ZKSCAN7: variants seen among roughly 807,000 people sequenced by gnomAD.
The protein encoded by ZKSCAN7 is zinc finger protein with KRAB and SCAN domains 7.
ZKSCAN7 carries 38 observed loss-of-function variants against 65.3 expected under a neutral mutation model. The ratio of observed to expected loss-of-function variants is 0.58; its 90% confidence interval spans 0.45 to 0.76. The LOEUF (loss-of-function observed/expected upper bound fraction) is 0.76. Among genes scored for constraint, ZKSCAN7 ranks in the 30% least tolerant of loss-of-function variants. The pLI is 0.00. For missense variants in ZKSCAN7, 815 were observed against 913.3 expected, an observed-to-expected ratio of 0.89 and a Z score of 1.39; for synonymous variants, 321 against 321.0, an observed-to-expected ratio of 1.00 and a Z score of 0.00.
At chr3:44,558,407 C>T (rs1292626605) in intron 2 of ZKSCAN7, among the ~76,000 whole-genome samples, 2 of 151,878 alleles carry the variant, frequency 1.3e-5, no homozygotes, top group Non-Finnish European at 2.9e-5. Flanking sequence ...TACCTGTAAT[C>T]TTAGCTACTG....
intron 5 of ZKSCAN7, 95 bp from the exon 6 acceptor site, chr3:44,569,827 T>C: frequency 6.9e-7 from 1 of 1,441,990 alleles, no homozygotes; most frequent in Non-Finnish European, 9.1e-7. Context: ...TTAACCATAA[T>C]GTGACTTTTT....
At chr3:44,566,796 CTT>C (rs35327396) in intron 3 of ZKSCAN7, among the ~76,000 whole-genome samples, 9 of 143,814 alleles carry the variant, frequency 6.3e-5, no homozygotes, top group African/African-American at 1.3e-4. Flanking sequence ...ATGACCAGCT[CTT>C]TTTTTTTTTT....
chr3:44,568,178 G>C, intron 4 of ZKSCAN7, 129 bp from the exon 5 acceptor site: 1 of 1,537,498 alleles, frequency 6.5e-7, no homozygotes, highest in Non-Finnish European at 8.8e-7. Flanking sequence ...CCTTTTCGAG[G>C]TGTCATCTCA....
At chr3:44,580,509 G>A (rs1255468965) in intron 5 of ZKSCAN7, 16 of 1,610,896 alleles carry the variant, frequency 9.9e-6, no homozygotes, top group Non-Finnish European at 1.4e-5. Context: ...AGCCACCTTG[G>A]CAGGCCCAGG....
At chr3:44,556,128 G>T (rs1699286892) in intron 1 of ZKSCAN7, among the ~76,000 whole-genome samples, 1 of 152,202 alleles carries the variant, frequency 6.6e-6, no homozygotes, top group Non-Finnish European at 1.5e-5. Flanking sequence ...CTTTCTAGGG[G>T]AGGTGCATTG....
chr3:44,560,288 C>T (rs570567808), intron 2 of ZKSCAN7, among the ~76,000 whole-genome samples: 30 of 152,150 alleles, frequency 2.0e-4, no homozygotes, highest in East Asian at 5.8e-4. Context: ...TACAGAATGG[C>T]TAAATGAATA....
At position 44,571,685 on chromosome 3, in the gene ZKSCAN7, G is replaced by T; in HGVS notation, c.*310G>T. 1 of 1,189,094 alleles carries T rather than the reference G, an allele frequency of 8.4e-7. No homozygotes were observed. The highest frequency in any genetic ancestry group is 2.2e-5 in the South Asian group (1 of 44,616). The allele number at this position is 1,189,094 out of a possible 1,614,324, so 73.7% of individuals were successfully genotyped here. A position where few individuals can be genotyped will look rare whatever the true frequency, so the allele number is the denominator to read the frequency against. On this transcript the variant is annotated 3_prime_UTR_variant, in exon 6 of 6. Coordinates refer to ENST00000426540, the MANE Select transcript of ZKSCAN7 (RefSeq NM_001288590.2). The stretch of plus-strand genomic sequence containing the variant: ...ATAATCAGACTCCATGCTTTTTAAA[G>T]ACAGAGATAATATCTTCTCTATTCT...
rs773167093 is a variant in ZKSCAN7, at chr3:44,557,362, C to T, written c.315C>T (p.Ile105=). ...ELLVLEQFLS[I]LPGELRTWVQ... is the part of the protein sequence containing the mutation. Reference sequence around the variant, plus strand: ...TGGTGCTTGAGCAGTTCCTGAGCATCCTCCCTGGGGAGCTCCGGACCTGGG... The same window carrying T: ...TGGTGCTTGAGCAGTTCCTGAGCATTCTCCCTGGGGAGCTCCGGACCTGGG... Residue 105 remains isoleucine, a synonymous_variant, in exon 2 of 6, where the codon ATC becomes ATT. Transcript: ENST00000426540. The T allele has an allele frequency of 1.2e-6, 2 of 1,614,240 alleles. No homozygotes were observed. The highest frequency in any genetic ancestry group is 1.1e-5 in the South Asian group (1 of 91,090).
Position 44,565,560 on chromosome 3 carries a change from C to T in ZKSCAN7, c.497C>T (p.Pro166Leu), listed in dbSNP as rs1038328078. The stretch of plus-strand genomic sequence containing the variant: ...GCTCTGGGTACAACAAAGGAATCTC[C>T]TCCTACCTCACCCCTCAGTGGGGGC... ...TTALGTTKESPPTSPLSGGSA... is the reference protein window; with the variant it reads ...TTALGTTKESLPTSPLSGGSA... The change falls in exon 3 of 6, where the codon CCT (proline) becomes CTT (leucine). Residue 166 changes from proline to leucine, a missense_variant. Physicochemically the swap from Pro to Leu is moderately conservative, Grantham distance 98 (BLOSUM62 -3). Transcript: ENST00000426540. The T allele has an allele frequency of 1.6e-5, 26 of 1,613,210 alleles. No homozygotes were observed. Among genetic ancestry groups the T allele is most frequent in the Non-Finnish European group, 2.1e-5 (25 of 1,179,754 alleles).
downstream of ZKSCAN7, among the ~76,000 whole-genome samples, chr3:44,577,021 T>C (rs1414628315): frequency 1.3e-5 from 2 of 152,066 alleles, no homozygotes; most frequent in Non-Finnish European, 2.9e-5. Flanking sequence ...TGGAGTGCAG[T>C]GGTATGATCA....
chr3:44,555,653 T>A (rs775118130), intron 1 of ZKSCAN7, 172 bp downstream of exon 1: 4 of 152,276 alleles, frequency 2.6e-5, no homozygotes, highest in African/African-American at 9.6e-5. Flanking sequence ...TTTAAAGTGC[T>A]GAGCATTCGG....
chr3:44,565,518 A>C lies in ZKSCAN7; in HGVS notation c.455A>C (p.His152Pro), dbSNP rs1275703898. ...VSAPAQKQEM[H>P]FEETTALGTT... is the part of the protein sequence containing the mutation. ...GCCCCAGCACAGAAACAGGAAATGC[A>C]TTTTGAGGAGACAACAGCTCTGGGT... The change falls in exon 3 of 6, where the codon CAT becomes CCT. Residue 152 changes from histidine (H) to proline (P), a missense_variant. Physicochemically the swap from His to Pro is moderately conservative, Grantham distance 77. This residue lies in a region of ZKSCAN7 where 227 missense variants were observed against 253.3 expected (regional missense o/e 0.90). Transcript: ENST00000426540. 5.0e-6 allele frequency: 8 copies of C among 1,610,630 alleles called. No homozygotes were observed. The highest frequency in any genetic ancestry group is 6.8e-6 in the Non-Finnish European group (8 of 1,178,624).
exon 6 of ZKSCAN7, chr3:44,583,070 G>A: frequency 2.6e-6 from 1 of 379,962 alleles, no homozygotes; most frequent in South Asian, 1.9e-5. Flanking sequence ...GGGATTACAG[G>A]CGCCTGCCAC....
At chr3:44,577,366 G>T (rs866295742) in intron 5 of ZKSCAN7, among the ~76,000 whole-genome samples, 1 of 151,964 alleles carries the variant, frequency 6.6e-6, no homozygotes, top group Middle Eastern at 3.2e-3. Context: ...CAGGGGTGTG[G>T]TTCTAAGCTG....
Position 44,557,272 on chromosome 3 carries a change from T to C in ZKSCAN7, c.225T>C (p.Leu75=). 1 of 1,614,270 alleles carries C rather than the reference T, an allele frequency of 6.2e-7. No homozygotes were observed. Among genetic ancestry groups the C allele is most frequent in the Admixed American group, 1.7e-5 (1 of 60,036 alleles). The change falls in exon 2 of 6, where the codon CTT becomes CTC. Residue 75 remains leucine, a synonymous_variant. Coordinates refer to ENST00000426540, the MANE Select transcript of ZKSCAN7 (RefSeq NM_001288590.2). ...GGCCGCAGGAAGCATTGAGCCGGCT[T>C]CGGGAGCTCTGCCGCTGGTGGCTCA... is the stretch of plus-strand genomic sequence containing the variant. ...MSGPQEALSR[L]RELCRWWLMP... is the part of the protein sequence containing the mutation.
intron 5 of ZKSCAN7, chr3:44,579,793 G>A (rs6785876): frequency 0.3 from 483,387 of 1,611,882 alleles, 78,721 homozygotes; most frequent in African/African-American, 0.42. Context: ...AGTATCTCAG[G>A]CTTTGATCGG....
At chr3:44,569,877 A>G (rs775563879) in intron 5 of ZKSCAN7, 45 bp from the exon 6 acceptor site, 26 of 1,490,772 alleles carry the variant, frequency 1.7e-5, no homozygotes, top group Non-Finnish European at 2.3e-5. Context: ...TTTCTTAAAC[A>G]GGATAAGAAA....
chr3:44,571,700 T>C lies in ZKSCAN7; in HGVS notation c.*325T>C, dbSNP rs1699813904. 3 of 1,151,462 alleles carry C rather than the reference T, an allele frequency of 2.6e-6. No individual in the cohort carries two copies. In the East Asian group the frequency reaches 1.6e-4, roughly 61 times the overall value. 71.3% of individuals were successfully genotyped at this position (1,151,462 alleles called of 1,614,324 possible). On this transcript the variant is annotated 3_prime_UTR_variant, in exon 6 of 6. Transcript: ENST00000426540. ...GCTTTTTAAAGACAGAGATAATATCTTCTCTATTCTATTCTACTTCCTCCA... is the reference window on the plus strand; with the variant it reads ...GCTTTTTAAAGACAGAGATAATATCCTCTCTATTCTATTCTACTTCCTCCA...
chr3:44,578,326 T>C (rs1310036647), intron 5 of ZKSCAN7: 4 of 1,597,426 alleles, frequency 2.5e-6, no homozygotes, highest in Non-Finnish European at 3.4e-6. Flanking sequence ...GCAATAAGAC[T>C]TCTAGTTCAT....
Sources: allele counts gnomAD v4.1 joint callset (sites outside exome capture counted in the v4.1 genomes callset), GRCh38; gene constraint gnomAD v4.1.1; regional missense constraint gnomAD v4.1.1; transcripts MANE v1.5; gene names NCBI Gene and HGNC (gene_info 2026-07-23, HGNC 2026-07-21).